The following CDH9 variants were observed in gnomAD, a reference collection of about 807,000 sequenced individuals.
CDH9 encodes the protein cadherin 9.
In CDH9, 28 loss-of-function variants were observed where a neutral mutation model predicts 70.9. That is an observed-to-expected ratio of 0.40 (90% CI 0.29 to 0.54). CDH9 has a LOEUF of 0.54. Ranked by LOEUF, CDH9 falls within the 20% of genes least tolerant of loss-of-function variation. CDH9 has a pLI of 0.59. For missense variants in CDH9, 874 were observed against 984.4 expected (o/e 0.89, Z 1.50); for synonymous variants, 409 against 343.1 (o/e 1.19, Z -2.12).
intron 1 of CDH9, among the ~76,000 whole-genome samples, chr5:27,037,221 T>C (rs1281999042): frequency 2.6e-5 from 4 of 152,078 alleles, no homozygotes; most frequent in Middle Eastern, 3.4e-3. Flanking sequence ...CCTTCTGTCT[T>C]GCAAAAGTTA....
At chr5:26,886,798 T>C (rs1343998924) in intron 9 of CDH9, among the ~76,000 whole-genome samples, 1 of 152,158 alleles carries the variant, frequency 6.6e-6, no homozygotes. Flanking sequence ...TAATGGAATA[T>C]GGAACAGCCA....
chr5:26,952,483 A>AAAAAAAAAAAAC (rs1741865991), intron 2 of CDH9, among the ~76,000 whole-genome samples: 1 of 140,966 alleles, frequency 7.1e-6, no homozygotes, highest in Non-Finnish European at 1.5e-5. Flanking sequence ...AAAAAAAAAA[A>AAAAAAAAAAAAC]AAAAAGCCGG....
chr5:26,899,786 T>G (rs909423696), intron 7 of CDH9, among the ~76,000 whole-genome samples: 3 of 151,396 alleles, frequency 2.0e-5, no homozygotes, highest in African/African-American at 7.3e-5. Context: ...GTTTGATGGG[T>G]GCAGCAAACC....
intron 2 of CDH9, among the ~76,000 whole-genome samples, chr5:26,959,879 G>A (rs1450169623): frequency 6.8e-6 from 1 of 146,082 alleles, no homozygotes; most frequent in Admixed American, 7.2e-5. Flanking sequence ...GGGTACTAGG[G>A]CATGATTATT....
chr5:27,008,308 G>T (rs1322011456), intron 1 of CDH9, among the ~76,000 whole-genome samples: 2 of 151,966 alleles, frequency 1.3e-5, no homozygotes, highest in African/African-American at 4.8e-5. Context: ...TGGCCAACAT[G>T]ATGAAACCCC....
chr5:27,019,052 C>G (rs1743093159), intron 1 of CDH9, among the ~76,000 whole-genome samples: 1 of 151,806 alleles, frequency 6.6e-6, no homozygotes, highest in South Asian at 2.1e-4. Flanking sequence ...CTAATTTAGG[C>G]TAAGCACTGA....
chr5:26,939,912 G>A (rs1352440622), intron 2 of CDH9, among the ~76,000 whole-genome samples: 7 of 152,084 alleles, frequency 4.6e-5, no homozygotes, highest in Non-Finnish European at 8.8e-5. Flanking sequence ...CACTTTGGGA[G>A]GCTGAGGCGA....
intron 2 of CDH9, among the ~76,000 whole-genome samples, chr5:26,982,071 T>C (rs1742409176): frequency 1.3e-5 from 2 of 152,100 alleles, no homozygotes; most frequent in African/African-American, 2.4e-5. Flanking sequence ...TCGTCCTTCC[T>C]GATGAGTATA....
In CDH9 at chr5:26,883,040, CTTATATATATATATAT is replaced by C. The variant is rs1287075092; in HGVS notation, c.1883-1433_1883-1418del. 1.5e-3 allele frequency among the ~76,000 whole-genome samples: 43 copies of C among 28,378 alleles called. 2 individuals are homozygous for C. The highest frequency in any genetic ancestry group is 3.3e-3 in the Admixed American group (5 of 1,514). 18.6% of individuals were successfully genotyped at this position (28,378 alleles called of 152,430 possible). A position where few individuals can be genotyped will look rare whatever the true frequency, so the allele number is the denominator to read the frequency against. On this transcript the variant is annotated intron_variant, in intron 11 of 11. Transcript: ENST00000231021. ...GAAGCTGAGCTATATTCAGGATCAT[CTTATATATATATATAT>C]ATATATATATATATATATATATATA...
chr5:26,928,140 T>C (rs1215570002), intron 2 of CDH9, among the ~76,000 whole-genome samples: 2 of 151,950 alleles, frequency 1.3e-5, no homozygotes, highest in Non-Finnish European at 2.9e-5. Flanking sequence ...TAAAACCAAT[T>C]CAGTAAAATT....
chr5:27,017,363 T>C (rs1743062982), intron 1 of CDH9, among the ~76,000 whole-genome samples: 1 of 151,924 alleles, frequency 6.6e-6, no homozygotes, highest in Admixed American at 6.6e-5. Flanking sequence ...TGCTTTCCAC[T>C]CAAGGGAATT....
chr5:26,985,466 T>C (rs1185928914), intron 2 of CDH9, among the ~76,000 whole-genome samples: 4 of 152,158 alleles, frequency 2.6e-5, no homozygotes, highest in Non-Finnish European at 5.9e-5. Flanking sequence ...TGTATACATG[T>C]ATATAATTTA....
At chr5:26,952,471 A>AC (rs1741865254) in intron 2 of CDH9, among the ~76,000 whole-genome samples, 1 of 131,758 alleles carries the variant, frequency 7.6e-6, no homozygotes, top group Non-Finnish European at 1.6e-5. Context: ...AAAAAAAAAA[A>AC]AAAAAAAAAA....
intron 4 of CDH9, 111 bp downstream of exon 4, chr5:26,906,607 GA>G (rs1171861817): frequency 1.2e-5 from 17 of 1,392,024 alleles, no homozygotes; most frequent in Non-Finnish European, 1.4e-5. Flanking sequence ...GAAACAAATA[GA>G]AACATGAAAC....
intron 2 of CDH9, among the ~76,000 whole-genome samples, chr5:26,942,248 C>A (rs924289046): frequency 3.3e-5 from 5 of 152,140 alleles, no homozygotes; most frequent in African/African-American, 1.2e-4. Flanking sequence ...CTCAGTATCA[C>A]AAGAACAGCA....
At chr5:26,958,934 C>T (rs1167510171) in intron 2 of CDH9, among the ~76,000 whole-genome samples, 2 of 152,094 alleles carry the variant, frequency 1.3e-5, no homozygotes, top group African/African-American at 2.4e-5. Context: ...GGTAAATCTT[C>T]ATGACCTGAA....
intron 2 of CDH9, among the ~76,000 whole-genome samples, chr5:26,970,140 A>C (rs989445657): frequency 1.3e-5 from 2 of 151,476 alleles, no homozygotes; most frequent in Non-Finnish European, 3.0e-5. Context: ...ATAGTTATTA[A>C]ATTAATAAAG....
At chr5:26,901,857 T>C (rs535604101) in intron 7 of CDH9, among the ~76,000 whole-genome samples, 4 of 152,042 alleles carry the variant, frequency 2.6e-5, no homozygotes, top group Admixed American at 6.6e-5. Flanking sequence ...AAATTAATAC[T>C]TTTACCTTTC....
intron 2 of CDH9, among the ~76,000 whole-genome samples, chr5:26,950,344 C>T (rs1293772857): frequency 6.6e-6 from 1 of 152,042 alleles, no homozygotes; most frequent in Non-Finnish European, 1.5e-5. Context: ...ACATTTATCC[C>T]TCTGACAAAG....
Sources: allele counts gnomAD v4.1 joint callset (sites outside exome capture counted in the v4.1 genomes callset), GRCh38; gene constraint gnomAD v4.1.1; transcripts MANE v1.5; gene names NCBI Gene and HGNC (gene_info 2026-07-23, HGNC 2026-07-21).